The following RNFT2 variants were observed in gnomAD, a reference collection of about 807,000 sequenced individuals.
The protein encoded by RNFT2 is E3 ubiquitin-protein ligase RNFT2.
In RNFT2, 36 loss-of-function variants were observed where a neutral mutation model predicts 53.0. The ratio of observed to expected loss-of-function variants is 0.68; its 90% CI spans 0.52 to 0.90. The LOEUF (loss-of-function observed/expected upper bound fraction) is 0.90, where lower values mean the gene tolerates loss of function less well. Among genes scored for constraint, RNFT2 ranks in the 40% least tolerant of loss-of-function variants. RNFT2 has a pLI of 0.00. For synonymous variants in RNFT2, 260 were observed against 253.2 expected, an observed-to-expected ratio of 1.03 and a Z score of -0.26; for missense variants, 514 against 585.6, an observed-to-expected ratio of 0.88 and a Z score of 1.26.
chr12:116,852,546 T>C lies in RNFT2; in HGVS notation c.*3098T>C, dbSNP rs2137234577. On this transcript the variant is annotated 3_prime_UTR_variant, in exon 11 of 11. Transcript: ENST00000257575. Reference sequence around the variant, plus strand: ...GGGGAAGCAGAGGGAAATGGGGCCATGTGAATGCAGCTGCTCTGTTCTCCC... The same window carrying C: ...GGGGAAGCAGAGGGAAATGGGGCCACGTGAATGCAGCTGCTCTGTTCTCCC... The C allele has an allele frequency of 6.3e-7, 1 of 1,592,712 alleles. No homozygotes were observed. Among genetic ancestry groups the C allele is most frequent in the South Asian group, 1.1e-5 (1 of 88,048 alleles).
rs564439278 is a variant in RNFT2, at chr12:116,836,050, A to G, written c.1098+25A>G. 3.3e-5 allele frequency: 53 copies of G among 1,613,604 alleles called. No homozygotes were observed. The South Asian group carries it at 4.6e-4, about 14-fold the overall frequency. On this transcript the variant is annotated intron_variant, in intron 9 of 10. Transcript: ENST00000257575. ...GGTGAGTTGGCTTCAGGTGGTCCCC[A>G]CCAGGGTCCTGAGAATCAGGAACTG... is the stretch of plus-strand genomic sequence containing the variant.
intron 6 of RNFT2, among the ~76,000 whole-genome samples, chr12:116,767,353 G>C (rs914938059): frequency 6.6e-6 from 1 of 151,720 alleles, no homozygotes; most frequent in African/African-American, 2.4e-5. Context: ...CAAGTAGCTG[G>C]TACTACAAGT....
At chr12:116,811,961 A>G (rs1447947980) in intron 7 of RNFT2, among the ~76,000 whole-genome samples, 2 of 152,146 alleles carry the variant, frequency 1.3e-5, no homozygotes, top group African/African-American at 4.8e-5. Flanking sequence ...CACTAGCTAT[A>G]TACCCTCGGG....
chr12:116,792,611 C>T (rs540318637), intron 7 of RNFT2, among the ~76,000 whole-genome samples: 4 of 152,196 alleles, frequency 2.6e-5, no homozygotes, highest in African/African-American at 9.6e-5. Context: ...TGTGCCAGGT[C>T]AGCGCGTAAT....
In RNFT2 at chr12:116,852,107, G is replaced by T; in HGVS notation, c.*2659G>T. On this transcript the variant is annotated 3_prime_UTR_variant, in exon 11 of 11. Transcript: ENST00000257575. Reference sequence around the variant, plus strand: ...TGAAATCTGGCATGAGATGGCACAGGTGACCACGCAGAAGCCACCAGAATC... The same window carrying T: ...TGAAATCTGGCATGAGATGGCACAGTTGACCACGCAGAAGCCACCAGAATC... 1 of 1,002,198 alleles carries T rather than the reference G, an allele frequency of 1.0e-6. No individual in the cohort carries two copies. Among genetic ancestry groups the T allele is most frequent in the South Asian group, 1.9e-5 (1 of 53,586 alleles). The allele number at this position is 1,002,198 out of a possible 1,614,324, so 62.1% of individuals were successfully genotyped here. A position where few individuals can be genotyped will look rare whatever the true frequency, so the allele number is the denominator to read the frequency against.
chr12:116,776,965 T>C (rs1162056355), intron 6 of RNFT2, among the ~76,000 whole-genome samples: 7 of 147,930 alleles, frequency 4.7e-5, no homozygotes, highest in African/African-American at 7.5e-5. Context: ...TCACCCATGC[T>C]GGAGTACAGT....
At chr12:116,842,647 C>G (rs1053556155) in intron 10 of RNFT2, among the ~76,000 whole-genome samples, 1 of 152,134 alleles carries the variant, frequency 6.6e-6, no homozygotes, top group Non-Finnish European at 1.5e-5. Context: ...GGTCTTGGCT[C>G]ACTGCAACCT....
chr12:116,839,044 C>T (rs956740869), intron 10 of RNFT2, among the ~76,000 whole-genome samples: 2 of 152,196 alleles, frequency 1.3e-5, no homozygotes, highest in African/African-American at 4.8e-5. Flanking sequence ...GACTTGGTTG[C>T]GATGTTGCTT....
intron 7 of RNFT2, among the ~76,000 whole-genome samples, chr12:116,789,631 G>A (rs1397994168): frequency 7.3e-6 from 1 of 136,856 alleles, no homozygotes; most frequent in Non-Finnish European, 1.5e-5. Context: ...TGGATGGGAG[G>A]AGAGTGGATG....
intron 7 of RNFT2, among the ~76,000 whole-genome samples, chr12:116,832,148 A>AATATATATATATATATATATATAT (rs1555209703): frequency 5.4e-5 from 3 of 55,168 alleles, no homozygotes; most frequent in African/African-American, 2.1e-4. Context: ...AAAAAAAAAA[A>AATATATATATATATATATATATAT]ATATATATAT....
At chr12:116,803,549 A>G (rs924778366) in intron 7 of RNFT2, among the ~76,000 whole-genome samples, 2 of 152,174 alleles carry the variant, frequency 1.3e-5, no homozygotes, top group Non-Finnish European at 2.9e-5. Context: ...TGTATTAATC[A>G]GGGTATCCCA....
At chr12:116,766,010 G>A (rs12231554) in intron 5 of RNFT2, among the ~76,000 whole-genome samples, 7,844 of 152,194 alleles carry the variant, frequency 0.052, 553 homozygotes, top group African/African-American at 0.15. Flanking sequence ...TTTGACTTTT[G>A]CCTGTAATTC....
intron 7 of RNFT2, among the ~76,000 whole-genome samples, chr12:116,797,585 G>A (rs1184359319): frequency 6.6e-6 from 1 of 151,990 alleles, no homozygotes; most frequent in Admixed American, 6.6e-5. Context: ...CACTAGTGAT[G>A]CAAGGCAGGC....
At chr12:116,748,497 AC>A (rs1253501758) in intron 3 of RNFT2, among the ~76,000 whole-genome samples, 5 of 151,860 alleles carry the variant, frequency 3.3e-5, no homozygotes, top group Admixed American at 2.0e-4. Context: ...TAAATTTAAC[AC>A]CCCCACCCCC....
At chr12:116,798,098 G>A (rs1184575331) in intron 7 of RNFT2, among the ~76,000 whole-genome samples, 2 of 152,052 alleles carry the variant, frequency 1.3e-5, no homozygotes, top group Non-Finnish European at 2.9e-5. Context: ...CAATAGGACT[G>A]GTGTCCTTGT....
intron 5 of RNFT2, among the ~76,000 whole-genome samples, chr12:116,764,314 A>AT (rs1481591232): frequency 6.6e-6 from 1 of 152,184 alleles, no homozygotes; most frequent in Non-Finnish European, 1.5e-5. Context: ...GAACTTATTC[A>AT]TGTAATACCA....
At chr12:116,748,522 AG>A (rs1299723689) in intron 3 of RNFT2, 1 of 198,830 alleles carries the variant, frequency 5.0e-6, no homozygotes, top group Non-Finnish European at 1.1e-5. Flanking sequence ...AATTCTATTC[AG>A]GAATAAAGGC....
chr12:116,794,242 G>A (rs2137139157), intron 7 of RNFT2, among the ~76,000 whole-genome samples: 1 of 152,116 alleles, frequency 6.6e-6, no homozygotes, highest in Admixed American at 6.5e-5. Flanking sequence ...TTCAGCCTGA[G>A]CAACAGAATG....
rs766306785 is a variant in RNFT2 at position 116,836,257 on chromosome 12, G to A, written c.1175G>A (p.Arg392Gln). 15 of 1,580,302 alleles carry A rather than the reference G, an allele frequency of 9.5e-6. No individual in the cohort carries two copies. The Admixed American group carries it at 1.3e-4, about 13-fold the overall frequency. ...TGCGCCATCTGTCAGGCCGAGTTCC[G>A]AGAGCCTCTGATTCTCCTGTGCCAG... ...DICAICQAEF[R>Q]EPLILLCQHV... Residue 392 changes from arginine (R) to glutamine (Q), a missense_variant, in exon 10 of 11, where the codon CGA becomes CAA. Around this residue, in one of 3 missense-constraint regions of RNFT2, gnomAD observed 273 missense variants for 334.4 expected, o/e 0.82. Coordinates refer to ENST00000257575, the MANE Select transcript of RNFT2 (RefSeq NM_001382266.1).
Sources: gnomAD v4.1 joint callset for allele counts (sites outside exome capture counted in the v4.1 genomes callset) on GRCh38, gnomAD v4.1.1 for gene constraint, gnomAD v4.1.1 regional missense constraint, MANE v1.5 for transcripts, NCBI Gene and HGNC (gene_info 2026-07-23, HGNC 2026-07-21) for gene names.